ADAMTS13: variants seen among roughly 807,000 people sequenced by gnomAD.
The protein encoded by ADAMTS13 is A disintegrin and metalloproteinase with thrombospondin motifs 13.
Under a neutral mutation model 155.1 loss-of-function variants are expected in ADAMTS13, and 110 were observed. The ratio of observed to expected loss-of-function variants is 0.71; its 90% confidence interval spans 0.61 to 0.83. The LOEUF (loss-of-function observed/expected upper bound fraction) is 0.83, where lower values mean the gene tolerates loss of function less well. Among genes scored for constraint, ADAMTS13 ranks in the 40% least tolerant of loss-of-function variants. ADAMTS13 has a pLI of 0.00. For missense variants in ADAMTS13, 1,707 were observed against 1,891.7 expected (o/e 0.90, Z 1.81); for synonymous variants, 758 against 756.4 (o/e 1.00, Z -0.03).
chr9:133,440,548 G>C lies in ADAMTS13; in HGVS notation c.1968+23G>C, dbSNP rs1554790453. The C allele has an allele frequency of 6.4e-7, 1 of 1,569,016 alleles. No individual in the cohort carries two copies. The highest frequency in any genetic ancestry group is 8.7e-7 in the Non-Finnish European group (1 of 1,154,048). ...CAGGTCAGCAGGAGAGCCTGGGGGA[G>C]GCCAGTGGGGGCTTCTTCTTGGGGG... On this transcript the variant is annotated intron_variant, in intron 16 of 28. Transcript: ENST00000355699. The surrounding 1 kb of genome is among the most constrained non-coding windows in gnomAD (Gnocchi z 4.3).
rs782102945 is a variant in ADAMTS13, at chr9:133,430,001, C to A, written c.887C>A (p.Pro296Gln). The change falls in exon 8 of 29, where the codon CCG becomes CAG. Residue 296 changes from proline to glutamine, a missense_variant. Around this residue, in one of 3 missense-constraint regions of ADAMTS13, gnomAD observed 733 missense variants for 749.6 expected, o/e 0.98. Coordinates refer to ENST00000355699, the MANE Select transcript of ADAMTS13 (RefSeq NM_139027.6). ...PRPQPGSAGH[P>Q]PDAQPGLYYS... ...CCTCAACCCGGGTCCGCGGGGCACC[C>A]GCCGGATGCGCAGCCTGGCCTCTAC... 1.3e-6 allele frequency: 2 copies of A among 1,568,292 alleles called. No individual in the cohort carries two copies. Among genetic ancestry groups the A allele is most frequent in the Non-Finnish European group, 1.7e-6 (2 of 1,162,052 alleles).
intron 25 of ADAMTS13, chr9:133,455,685 C>T (rs1842699438): frequency 1.3e-6 from 2 of 1,538,246 alleles, no homozygotes; most frequent in African/African-American, 1.4e-5. Flanking sequence ...AGGACTGGCA[C>T]AAGCACTTGG....
intron 6 of ADAMTS13, among the ~76,000 whole-genome samples, 160 bp from the exon 7 acceptor site, chr9:133,428,474 G>A (rs1429515312): frequency 1.3e-4 from 20 of 152,210 alleles, no homozygotes; most frequent in Non-Finnish European, 2.5e-4. Context: ...ACTGCGCCCA[G>A]TTAGCAGATG....
rs1457733808 is a variant in ADAMTS13, at chr9:133,442,717, C to T, written c.2208C>T (p.Ala736=). The T allele has an allele frequency of 2.3e-5, 37 of 1,612,894 alleles. No homozygotes were observed. The highest frequency in any genetic ancestry group is 3.1e-5 in the Non-Finnish European group (36 of 1,179,988). ...GSQQPPAWPE[A]CVLEPCPPYW... is the part of the protein sequence containing the mutation. ...AGCAGCCACCAGCGTGGCCAGAGGC[C>T]TGCGTGCTCGAACCCTGCCCTCCCT... The change falls in exon 18 of 29, where the codon GCC becomes GCT. Residue 736 remains alanine, a synonymous_variant. Coordinates refer to ENST00000355699, the MANE Select transcript of ADAMTS13 (RefSeq NM_139027.6).
intron 23 of ADAMTS13, among the ~76,000 whole-genome samples, chr9:133,453,862 G>T (rs973980685): frequency 2.6e-5 from 4 of 152,106 alleles, no homozygotes; most frequent in Non-Finnish European, 5.9e-5. Context: ...CGGAAGGCAC[G>T]GGTCCAAGAG....
rs979610226 is a variant in ADAMTS13, at chr9:133,430,740, A to G, written c.987+639A>G. Among the ~76,000 whole-genome samples the G allele has an allele frequency of 2.1e-5, 3 of 142,796 alleles. No homozygotes were observed. In the Admixed American group the frequency reaches 2.2e-4, roughly 10 times the overall value. The allele number at this position is 142,796 out of a possible 152,430, so 93.7% of individuals were successfully genotyped here. On this transcript the variant is annotated intron_variant, in intron 8 of 28. Coordinates refer to ENST00000355699, the MANE Select transcript of ADAMTS13 (RefSeq NM_139027.6). ...CAGAGTCTCCCTCTCTGCTCACTGCAGGCTCCGCCTGCCAGATTCACACCA... is the reference window on the plus strand; with the variant it reads ...CAGAGTCTCCCTCTCTGCTCACTGCGGGCTCCGCCTGCCAGATTCACACCA...
In ADAMTS13 at chr9:133,455,564, C is replaced by T. The variant is rs782200824; in HGVS notation, c.3400+129C>T. ...CTTCTCCCCGGCTCCCCAGCCTCGG[C>T]GGCTCCTGCCCGGGCCCCAGGAAAA... is the stretch of plus-strand genomic sequence containing the variant. On this transcript the variant is annotated intron_variant, in intron 25 of 28. Coordinates refer to ENST00000355699, the MANE Select transcript of ADAMTS13 (RefSeq NM_139027.6). 54 of 1,607,700 alleles carry T rather than the reference C, an allele frequency of 3.4e-5. No individual in the cohort carries two copies. In the African/African-American group the frequency reaches 4.4e-4, roughly 13 times the overall value.
At chr9:133,420,567 G>A (rs1450789303), upstream of ADAMTS13, among the ~76,000 whole-genome samples, 2 of 152,206 alleles carry the variant, frequency 1.3e-5, no homozygotes, top group Non-Finnish European at 2.9e-5. Context: ...GTTAATACTT[G>A]CTGAGTTCAG....
At chr9:133,430,671 T>TG (rs1554787080) in intron 8 of ADAMTS13, among the ~76,000 whole-genome samples, 32 of 151,646 alleles carry the variant, frequency 2.1e-4, no homozygotes, top group Non-Finnish European at 4.0e-4. Context: ...TGTGTTACTA[T>TG]AAATACAAGT....
intron 7 of ADAMTS13, among the ~76,000 whole-genome samples, chr9:133,429,001 A>C (rs587620968): frequency 8.4e-6 from 1 of 118,924 alleles, no homozygotes; most frequent in South Asian, 3.0e-4. Context: ...ACCCCTCCCT[A>C]CGTCCGTCCC....
At position 133,449,930 on chromosome 9, in the gene ADAMTS13, C is replaced by T. The variant is rs145835995; in HGVS notation, c.3009C>T (p.Pro1003=). 1 of 1,611,066 alleles carries T rather than the reference C, an allele frequency of 6.2e-7. No individual in the cohort carries two copies. The highest frequency in any genetic ancestry group is 8.5e-7 in the Non-Finnish European group (1 of 1,179,312). The change falls in exon 23 of 29, where the codon CCC becomes CCT. Residue 1003 remains proline, a synonymous_variant. Coordinates refer to ENST00000355699, the MANE Select transcript of ADAMTS13 (RefSeq NM_139027.6). ...TQCQGLPRPE[P]QEACSLEPCP... ...GCCAGGGGCTGCCTCGCCCGGAACC[C>T]CAGGAGGCCTGCAGCCTGGAGCCCT... is the stretch of plus-strand genomic sequence containing the variant.
chr9:133,419,965 C>T (rs1426923731), upstream of ADAMTS13, among the ~76,000 whole-genome samples: 4 of 151,210 alleles, frequency 2.6e-5, no homozygotes, highest in South Asian at 2.1e-4. Flanking sequence ...AGTGCAATGG[C>T]GCAATCTCGG....
rs997523872 is a variant in ADAMTS13, at chr9:133,424,622, C to T, written c.330+144C>T. 1 of 1,285,540 alleles carries T rather than the reference C, an allele frequency of 7.8e-7. No homozygotes were observed. Among genetic ancestry groups the T allele is most frequent in the South Asian group, 1.3e-5 (1 of 75,040 alleles). 79.6% of individuals were successfully genotyped at this position (1,285,540 alleles called of 1,614,324 possible). A position where few individuals can be genotyped will look rare whatever the true frequency, so the allele number is the denominator to read the frequency against. On this transcript the variant is annotated intron_variant, in intron 3 of 28. Transcript: ENST00000355699. This position sits in a 1 kb window ranked among gnomAD's most constrained non-coding sequence, Gnocchi z 4.3. ...GGGTTCTTCCTCTTCTCCCTCCCTC[C>T]CCTGGGTGGAGGTGGGTGAGGTCCC...
At position 133,444,878 on chromosome 9, in the gene ADAMTS13, G is replaced by T; in HGVS notation, c.2436G>T (p.Glu812Asp). ...QPCPARWEVS[E>D]PSSCTSAGGA... ...CCATCCTCAGGTGGGAGGTGTCAGA[G>T]CCCAGCTCATGCACATCAGCTGGTG... Residue 812 changes from glutamate to aspartate, a missense_variant, in exon 20 of 29, where the codon GAG becomes GAT. Coordinates refer to ENST00000355699, the MANE Select transcript of ADAMTS13 (RefSeq NM_139027.6). The T allele has an allele frequency of 1.2e-6, 2 of 1,613,060 alleles. No individual in the cohort carries two copies. The highest frequency in any genetic ancestry group is 8.5e-7 in the Non-Finnish European group (1 of 1,180,034).
In ADAMTS13 at chr9:133,448,228, T is replaced by C. The variant is rs1007462328; in HGVS notation, c.2732-371T>C. ...TCGTCTCGAACTCCTGACCTTGTGA[T>C]CCGCCGCCCAAAGTGCTGTGATTAC... On this transcript the variant is annotated intron_variant, in intron 21 of 28. Transcript: ENST00000355699. 7.9e-5 allele frequency among the ~76,000 whole-genome samples: 12 copies of C among 152,084 alleles called. No homozygotes were observed. The East Asian group carries it at 2.3e-3, about 29-fold the overall frequency.
In ADAMTS13 at chr9:133,433,925, G is replaced by A. The variant is rs184471319; in HGVS notation, c.1308+221G>A. 5.3e-5 allele frequency among the ~76,000 whole-genome samples: 8 copies of A among 152,078 alleles called. 1 individual carries two copies. The highest frequency in any genetic ancestry group is 4.6e-4 in the Admixed American group (7 of 15,264). ...AGCCTGGCCAACATGGTGAAATCTC[G>A]TCTCTACAGAAAATACAAAAATTAG... On this transcript the variant is annotated intron_variant, in intron 11 of 28. Coordinates refer to ENST00000355699, the MANE Select transcript of ADAMTS13 (RefSeq NM_139027.6).
At chr9:133,449,669 G>T in intron 22 of ADAMTS13, 114 bp from the exon 23 acceptor site, 1 of 1,247,468 alleles carries the variant, frequency 8.0e-7, no homozygotes, top group East Asian at 2.4e-5. Flanking sequence ...ACCTCTCCGG[G>T]CCCTTCCCAG....
At position 133,440,153 on chromosome 9, in the gene ADAMTS13, C is replaced by T. The variant is rs1554790261; in HGVS notation, c.1787-191C>T. 2.6e-5 allele frequency among the ~76,000 whole-genome samples: 4 copies of T among 152,214 alleles called. No individual in the cohort carries two copies. Among genetic ancestry groups the T allele is most frequent in the South Asian group, 4.1e-4 (2 of 4,832 alleles). ...GCCTGTTGAGTTCTGTGCGTGAGTGCACTTGGTCATAGCACTCACCAGGTT... is the reference window on the plus strand; with the variant it reads ...GCCTGTTGAGTTCTGTGCGTGAGTGTACTTGGTCATAGCACTCACCAGGTT... On this transcript the variant is annotated intron_variant, in intron 15 of 28. Transcript: ENST00000355699. The surrounding 1 kb of genome is among the most constrained non-coding windows in gnomAD (Gnocchi z 4.3).
At chr9:133,448,102 G>A (rs370937360) in intron 21 of ADAMTS13, among the ~76,000 whole-genome samples, 17 of 151,392 alleles carry the variant, frequency 1.1e-4, no homozygotes, top group East Asian at 5.9e-4. Context: ...GTGATTCTCC[G>A]TCTCAGCCTC....
Sources: allele counts gnomAD v4.1 joint callset (sites outside exome capture counted in the v4.1 genomes callset), GRCh38; gene constraint gnomAD v4.1.1; regional missense constraint gnomAD v4.1.1; non-coding constraint Gnocchi (gnomAD v3.1); transcripts MANE v1.5; gene names NCBI Gene and HGNC (gene_info 2026-07-23, HGNC 2026-07-21).